MAST4: variants seen among roughly 807,000 people sequenced by gnomAD.
MAST4 encodes microtubule-associated serine/threonine-protein kinase 4.
MAST4 carries 89 observed loss-of-function variants against 162.7 expected under a neutral mutation model. That is an observed-to-expected ratio of 0.55 (90% CI 0.46 to 0.65). MAST4 has a LOEUF of 0.65. Among genes scored for constraint, MAST4 ranks in the 30% least tolerant of loss-of-function variants. The pLI is 0.00. For missense variants in MAST4, 3,153 were observed against 3,374.0 expected (o/e 0.93, Z 1.62); for synonymous variants, 1,479 against 1,361.1 (o/e 1.09, Z -1.91).
chr5:66,732,620 G>A (rs1026432827), intron 1 of MAST4, among the ~76,000 whole-genome samples: 1 of 152,182 alleles, frequency 6.6e-6, no homozygotes, highest in African/African-American at 2.4e-5. Context: ...TGGTGCCTGC[G>A]ATATGTAGGC....
chr5:66,899,277 T>A (rs374046948), intron 3 of MAST4, among the ~76,000 whole-genome samples: 1 of 152,184 alleles, frequency 6.6e-6, no homozygotes, highest in Admixed American at 6.5e-5. Context: ...GATGATTAGG[T>A]AGGTAAGAAT....
chr5:66,732,685 A>G (rs962006543), intron 1 of MAST4, among the ~76,000 whole-genome samples: 1 of 152,196 alleles, frequency 6.6e-6, no homozygotes, highest in Non-Finnish European at 1.5e-5. Context: ...TCCATCTGCA[A>G]ATGCTCAGCA....
intron 3 of MAST4, among the ~76,000 whole-genome samples, chr5:66,837,169 A>G (rs1181090185): frequency 6.6e-6 from 1 of 152,170 alleles, no homozygotes; most frequent in African/African-American, 2.4e-5. Flanking sequence ...TTCCTCACCA[A>G]TAAAACACTA....
intron 4 of MAST4, among the ~76,000 whole-genome samples, chr5:66,967,159 G>A (rs1021072081): frequency 1.6e-4 from 24 of 152,202 alleles, no homozygotes; most frequent in Non-Finnish European, 2.8e-4. Context: ...TCATGGTGGG[G>A]CTTAAAGGTC....
chr5:66,787,032 GGT>G (rs1755151569), intron 2 of MAST4, among the ~76,000 whole-genome samples: 1 of 152,140 alleles, frequency 6.6e-6, no homozygotes, highest in South Asian at 2.1e-4. Flanking sequence ...GGTTTTATCT[GGT>G]GTGATGATAG....
At chr5:66,859,508 C>T (rs910959235) in intron 3 of MAST4, among the ~76,000 whole-genome samples, 1 of 152,162 alleles carries the variant, frequency 6.6e-6, no homozygotes, top group Non-Finnish European at 1.5e-5. Flanking sequence ...AACCTGTTAC[C>T]TTTCCCATAA....
intron 4 of MAST4, among the ~76,000 whole-genome samples, chr5:66,985,482 C>CT (rs533974108): frequency 1.2e-3 from 182 of 152,296 alleles, no homozygotes; most frequent in African/African-American, 4.1e-3. Flanking sequence ...TACGGAAGAA[C>CT]TTTCCTTTTT....
chr5:66,783,700 A>G (rs1307036332), intron 2 of MAST4, among the ~76,000 whole-genome samples: 4 of 152,096 alleles, frequency 2.6e-5, no homozygotes, highest in African/African-American at 9.7e-5. Context: ...GTACATAATC[A>G]TGTTAAATTG....
In MAST4 at chr5:66,640,309, CT is replaced by C. The variant is rs770087325; in HGVS notation, c.363+43307del. Among the ~76,000 whole-genome samples the C allele has an allele frequency of 5.6e-3, 786 of 139,888 alleles. 8 individuals are homozygous for C. The highest frequency in any genetic ancestry group is 0.014 in the African/African-American group (537 of 38,148). The allele number at this position is 139,888 out of a possible 152,430, so 91.8% of individuals were successfully genotyped here. ...TAGATGGATATCTCACAATTTGTTTCTTTTTTTTTTTTTTTTGAGACGGAGT... is the reference window on the plus strand; with the variant it reads ...TAGATGGATATCTCACAATTTGTTTCTTTTTTTTTTTTTTTGAGACGGAGT... On this transcript the variant is annotated intron_variant, in intron 1 of 28. Transcript: ENST00000403625.
chr5:66,860,284 GAACTGCTATATGT>G (rs1304020166), intron 3 of MAST4, among the ~76,000 whole-genome samples: 1 of 152,148 alleles, frequency 6.6e-6, no homozygotes, highest in African/African-American at 2.4e-5. Context: ...TAACACATAG[GAACTGCTATATGT>G]AACTGCTAAC....
intron 2 of MAST4, among the ~76,000 whole-genome samples, chr5:66,777,135 G>A (rs1754641374): frequency 6.6e-6 from 1 of 152,196 alleles, no homozygotes; most frequent in Non-Finnish European, 1.5e-5. Context: ...GCTAATAAAT[G>A]GTGAAAGGAG....
chr5:67,009,014 G>A (rs530043422), intron 4 of MAST4, among the ~76,000 whole-genome samples: 12 of 152,196 alleles, frequency 7.9e-5, no homozygotes, highest in African/African-American at 2.6e-4. Context: ...TAGTAAACCT[G>A]TACTCACCCC....
Position 67,121,007 on chromosome 5 carries a change from T to C in MAST4, c.1660-10T>C, listed in dbSNP as rs775110161. On this transcript the variant is annotated splice_polypyrimidine_tract_variant and intron_variant, in intron 13 of 28. Coordinates refer to ENST00000403625, the MANE Select transcript of MAST4 (RefSeq NM_001164664.2). Reference sequence around the variant, plus strand: ...AAACTACTTTTTAACTTCCATATTTTGTTTCCAAGAGCTCTAATGCCTCCC... The same window carrying C: ...AAACTACTTTTTAACTTCCATATTTCGTTTCCAAGAGCTCTAATGCCTCCC... 1.3e-6 allele frequency: 2 copies of C among 1,593,788 alleles called. No homozygotes were observed. Among genetic ancestry groups the C allele is most frequent in the Non-Finnish European group, 1.7e-6 (2 of 1,167,922 alleles).
intron 1 of MAST4, among the ~76,000 whole-genome samples, chr5:66,656,473 CA>C (rs1173147171): frequency 6.6e-6 from 1 of 152,090 alleles, no homozygotes; most frequent in African/African-American, 2.4e-5. Flanking sequence ...CTCCATTTAA[CA>C]GGGAAAAATA....
chr5:67,161,535 G>A (rs1773184756), intron 27 of MAST4, among the ~76,000 whole-genome samples: 1 of 152,032 alleles, frequency 6.6e-6, no homozygotes, highest in South Asian at 2.1e-4. Context: ...TTTCATAGTA[G>A]AAAATCAACA....
chr5:66,791,116 T>C (rs57066416), intron 3 of MAST4, among the ~76,000 whole-genome samples: 47,534 of 152,084 alleles, frequency 0.31, 7,889 homozygotes, highest in Non-Finnish European at 0.37. Flanking sequence ...CTCTGTCTTC[T>C]GGGTTCAGGC....
At chr5:66,874,756 GTTTCTAAAA>G (rs776514588) in intron 3 of MAST4, among the ~76,000 whole-genome samples, 2 of 152,148 alleles carry the variant, frequency 1.3e-5, no homozygotes, top group African/African-American at 2.4e-5. Context: ...TGATAACAAG[GTTTCTAAAA>G]CCTGGGCTTT....
At chr5:67,017,907 A>G (rs964599517) in intron 4 of MAST4, among the ~76,000 whole-genome samples, 6 of 152,094 alleles carry the variant, frequency 3.9e-5, no homozygotes, top group South Asian at 2.1e-4. Context: ...AAGTATTTCT[A>G]TTACCTCAAA....
chr5:66,738,494 G>T (rs553218873), intron 1 of MAST4, among the ~76,000 whole-genome samples: 1 of 152,214 alleles, frequency 6.6e-6, no homozygotes, highest in Admixed American at 6.5e-5. Context: ...TAGCCTCTGG[G>T]GATTCATCAG....
Sources: allele counts gnomAD v4.1 joint callset (sites outside exome capture counted in the v4.1 genomes callset), GRCh38; gene constraint gnomAD v4.1.1; transcripts MANE v1.5; gene names NCBI Gene and HGNC (gene_info 2026-07-23, HGNC 2026-07-21).